The following SLC12A6 variants were observed in gnomAD, a reference collection of about 807,000 sequenced individuals.
The protein encoded by SLC12A6 is solute carrier family 12 member 6.
SLC12A6 carries 66 observed loss-of-function variants against 135.3 expected under a neutral mutation model. That is an observed-to-expected ratio of 0.49 (90% confidence interval 0.40 to 0.60). SLC12A6 has a LOEUF of 0.60. SLC12A6 is among the 20% of genes least tolerant of loss of function. The pLI, the probability that SLC12A6 is intolerant of heterozygous loss-of-function variation, is 0.00. For missense variants in SLC12A6, 1,058 were observed against 1,452.3 expected (o/e 0.73, Z 4.41); for synonymous variants, 513 against 508.8 (o/e 1.01, Z -0.11).
At chr15:34,244,800 C>T (rs1595417286) in intron 15 of SLC12A6, among the ~76,000 whole-genome samples, 1 of 152,280 alleles carries the variant, frequency 6.6e-6, no homozygotes, top group African/African-American at 2.4e-5. Context: ...CTTGAGTTTC[C>T]ATCTGTTTAG....
At chr15:34,271,943 T>C (rs1208096530) in intron 3 of SLC12A6, among the ~76,000 whole-genome samples, 1 of 152,068 alleles carries the variant, frequency 6.6e-6, no homozygotes, top group Non-Finnish European at 1.5e-5. Flanking sequence ...TAGGGAGAGC[T>C]GGGAAGATTT....
In SLC12A6 at chr15:34,258,911, G is replaced by A. The variant is rs368992231; in HGVS notation, c.445C>T (p.Leu149Phe). The A allele has an allele frequency of 1.9e-6, 3 of 1,611,140 alleles. No individual in the cohort carries two copies. Among genetic ancestry groups the A allele is most frequent in the Non-Finnish European group, 2.5e-6 (3 of 1,177,252 alleles). ...GTGTAATTGGCCATGCGGTTGAGGA[G>A]GGAAGACACCTTCGGTCTGGTGTCC... is the stretch of plus-strand genomic sequence containing the variant. The part of the protein sequence containing the change: ...EMDTRPKVSS[L>F]LNRMANYTNL... The change falls in exon 5 of 26, where the codon CTC becomes TTC. Residue 149 changes from leucine (L) to phenylalanine (F), a missense_variant. Physicochemically the swap from Leu to Phe is conservative, Grantham distance 22 (BLOSUM62 0). Around this residue, in one of 6 missense-constraint regions of SLC12A6, gnomAD observed 139 missense variants for 202.2 expected, o/e 0.69. Transcript: ENST00000354181.
chr15:34,248,564 C>CT (rs1892159582), intron 13 of SLC12A6, among the ~76,000 whole-genome samples: 1 of 63,268 alleles, frequency 1.6e-5, no homozygotes, highest in African/African-American at 4.6e-5. Context: ...ATATACACCC[C>CT]CACCCACACA....
intron 1 of SLC12A6, 188 bp downstream of exon 1, chr15:34,337,144 T>C (rs1890253671): frequency 7.4e-6 from 2 of 268,512 alleles, no homozygotes; most frequent in South Asian, 3.7e-5. Context: ...CAAACCTTTA[T>C]CAGGCGACTA....
intron 9 of SLC12A6, among the ~76,000 whole-genome samples, chr15:34,253,781 C>CTGT (rs1233339825): frequency 6.6e-6 from 1 of 152,222 alleles, no homozygotes; most frequent in African/African-American, 2.4e-5. Flanking sequence ...AAAAGTGAGC[C>CTGT]TGTGAGTCAC....
At chr15:34,265,849 G>A (rs1471071743) in intron 3 of SLC12A6, among the ~76,000 whole-genome samples, 3 of 152,088 alleles carry the variant, frequency 2.0e-5, no homozygotes, top group South Asian at 2.1e-4. Context: ...AAGCAGAAAG[G>A]ACAATATAGC....
At position 34,254,714 on chromosome 15, in the gene SLC12A6, A is replaced by T; in HGVS notation, c.877-125T>A. ...TGAGAGAGAAAATGACTGGGGAATT[A>T]GCCTAGTTTCTAATAGGATCTGAAA... On this transcript the variant is annotated intron_variant, in intron 8 of 25. Coordinates refer to ENST00000354181, the MANE Select transcript of SLC12A6 (RefSeq NM_001365088.1). 3 of 745,950 alleles carry T rather than the reference A, an allele frequency of 4.0e-6. No homozygotes were observed. The East Asian group carries it at 8.0e-5, about 20-fold the overall frequency. 46.2% of individuals were successfully genotyped at this position (745,950 alleles called of 1,614,324 possible). A position where few individuals can be genotyped will look rare whatever the true frequency, so the allele number is the denominator to read the frequency against.
chr15:34,336,420 A>G lies in SLC12A6; in HGVS notation c.261T>C (p.Asp87=). Residue 87 remains aspartate, a synonymous_variant, in exon 2 of 26, where the codon GAT becomes GAC. Coordinates refer to ENST00000354181, the MANE Select transcript of SLC12A6 (RefSeq NM_001365088.1). The part of the protein sequence containing the change: ...PPSDRTSHPQ[D]VIEDLSQNSI... ...TGTGTTTCTACTTACCCTCGATGAC[A>G]TCCTGGGGGTGAGAAGTCCGGTCAC... The G allele has an allele frequency of 6.2e-7, 1 of 1,613,872 alleles. No homozygotes were observed. The highest frequency in any genetic ancestry group is 8.5e-7 in the Non-Finnish European group (1 of 1,179,738).
intron 2 of SLC12A6, among the ~76,000 whole-genome samples, chr15:34,323,450 G>C (rs1889256542): frequency 6.6e-6 from 1 of 152,182 alleles, no homozygotes; most frequent in Non-Finnish European, 1.5e-5. Flanking sequence ...GGCAGCATTA[G>C]ATTCTCATAG....
chr15:34,312,288 T>C (rs1456171875), intron 2 of SLC12A6, among the ~76,000 whole-genome samples: 1 of 152,224 alleles, frequency 6.6e-6, no homozygotes, highest in Non-Finnish European at 1.5e-5. Context: ...TATACTTCTG[T>C]AGCCTTAGGA....
chr15:34,241,055 T>C (rs536376431), intron 18 of SLC12A6, 178 bp downstream of exon 18: 20 of 656,912 alleles, frequency 3.0e-5, no homozygotes, highest in Admixed American at 1.2e-4. Flanking sequence ...GTAGAAATCT[T>C]GATCATAAAC....
rs1448467356 is a variant in SLC12A6, at chr15:34,230,179, C to G, written c.*3702G>C. ...AAAGTTGCACAAGTTCCTTATTTTCCTTAATATTTCACTTCTATTTAATAC... is the reference window on the plus strand; with the variant it reads ...AAAGTTGCACAAGTTCCTTATTTTCGTTAATATTTCACTTCTATTTAATAC... On this transcript the variant is annotated 3_prime_UTR_variant, in exon 26 of 26. Transcript: ENST00000354181. 1 of 194,622 alleles carries G rather than the reference C, an allele frequency of 5.1e-6. No individual in the cohort carries two copies. The highest frequency in any genetic ancestry group is 2.3e-5 in the African/African-American group (1 of 42,950). 12.1% of individuals were successfully genotyped at this position (194,622 alleles called of 1,614,324 possible). A position where few individuals can be genotyped will look rare whatever the true frequency, so the allele number is the denominator to read the frequency against.
chr15:34,277,464 C>G (rs1894374680), intron 2 of SLC12A6, among the ~76,000 whole-genome samples: 1 of 151,684 alleles, frequency 6.6e-6, no homozygotes, highest in Non-Finnish European at 1.5e-5. Context: ...TATATATATT[C>G]TTGCACATAA....
chr15:34,257,654 G>A lies in SLC12A6; in HGVS notation c.678C>T (p.Ile226=). ...GTGCAGTACTTACACAGCAGCAGCA[G>A]ATAAGGACAATTGCAAAAGCCTGAA... ...GVLQAFAIVL[I]CCCCTMLTAI... Residue 226 remains isoleucine, a synonymous_variant, in exon 6 of 26, where the codon ATC becomes ATT. Coordinates refer to ENST00000354181, the MANE Select transcript of SLC12A6 (RefSeq NM_001365088.1). 2 of 1,613,632 alleles carry A rather than the reference G, an allele frequency of 1.2e-6. No individual in the cohort carries two copies. The highest frequency in any genetic ancestry group is 1.7e-6 in the Non-Finnish European group (2 of 1,179,588).
chr15:34,290,852 C>T (rs536369657), intron 2 of SLC12A6, among the ~76,000 whole-genome samples: 5 of 152,084 alleles, frequency 3.3e-5, no homozygotes, highest in East Asian at 1.9e-4. Flanking sequence ...TCCTCCATCC[C>T]TTTATTTTGA....
intron 2 of SLC12A6, among the ~76,000 whole-genome samples, chr15:34,324,720 T>C (rs1248227150): frequency 6.6e-6 from 1 of 152,136 alleles, no homozygotes; most frequent in Non-Finnish European, 1.5e-5. Flanking sequence ...GGGCTACCGG[T>C]AGGGAAAGAG....
intron 2 of SLC12A6, among the ~76,000 whole-genome samples, chr15:34,307,024 T>A (rs1275181789): frequency 6.6e-6 from 1 of 152,024 alleles, no homozygotes; most frequent in Non-Finnish European, 1.5e-5. Flanking sequence ...ATTAGGTGAG[T>A]GGGGCATAAA....
rs1177514185 is a variant in SLC12A6, at chr15:34,250,692, T to G, written c.1530A>C (p.Lys510Asn). Residue 510 changes from lysine (K) to asparagine (N), a missense_variant, in exon 12 of 26, where the codon AAA becomes AAC. By Grantham distance (94) the Lys-to-Asn change is moderately conservative. This residue lies in a region of SLC12A6 where 297 missense variants were observed against 318.5 expected (regional missense o/e 0.93). Coordinates refer to ENST00000354181, the MANE Select transcript of SLC12A6 (RefSeq NM_001365088.1). ...CAATCGGAATAGACTTCTGAGCATC[T>G]TTCAGATCTCCAGATCTGTTTGATC... ...MAGSNRSGDLKDAQKSIPIGT... is the reference protein window; with the variant it reads ...MAGSNRSGDLNDAQKSIPIGT... 6.2e-7 allele frequency: 1 copy of G among 1,607,236 alleles called. No individual in the cohort carries two copies. The highest frequency in any genetic ancestry group is 8.5e-7 in the Non-Finnish European group (1 of 1,173,844).
rs79294885 is a variant in SLC12A6, at chr15:34,337,669, C to A, written c.-410G>T. The stretch of plus-strand genomic sequence containing the variant: ...GTCCCAGTAGAGGAGGAGACGGCCA[C>A]GCAGGCTGGCCTGACTGGGCAGCAG... On this transcript the variant is annotated 5_prime_UTR_variant, in exon 1 of 26. Transcript: ENST00000354181. 0.14 allele frequency: 20,760 copies of A among 152,282 alleles called. 1,758 individuals carry two copies. The highest frequency in any genetic ancestry group is 0.19 in the Non-Finnish European group (13,139 of 68,054). 9.4% of individuals were successfully genotyped at this position (152,282 alleles called of 1,614,324 possible). A position where few individuals can be genotyped will look rare whatever the true frequency, so the allele number is the denominator to read the frequency against.
Sources: allele counts gnomAD v4.1 joint callset (sites outside exome capture counted in the v4.1 genomes callset), GRCh38; gene constraint gnomAD v4.1.1; regional missense constraint gnomAD v4.1.1; transcripts MANE v1.5; gene names NCBI Gene and HGNC (gene_info 2026-07-23, HGNC 2026-07-21).